TTC17: variants seen among roughly 807,000 people sequenced by gnomAD.
TTC17 encodes tetratricopeptide repeat domain 17.
A neutral mutation model predicts 143.8 loss-of-function variants in TTC17; 58 were observed. That is an observed-to-expected ratio of 0.40 (90% CI 0.33 to 0.50). The LOEUF (loss-of-function observed/expected upper bound fraction) is 0.50. TTC17 is among the 20% of genes least tolerant of loss of function. TTC17 has a pLI of 0.49. For synonymous variants in TTC17, 501 were observed against 497.8 expected (o/e 1.01, Z -0.09); for missense variants, 1,273 against 1,392.5 (o/e 0.91, Z 1.37).
At chr11:43,403,093 T>C (rs528292032) in intron 10 of TTC17, among the ~76,000 whole-genome samples, 1 of 152,182 alleles carries the variant, frequency 6.6e-6, no homozygotes, top group South Asian at 2.1e-4. Flanking sequence ...GAAGACCAGA[T>C]TCACACCCTC....
At chr11:43,443,990 A>G (rs1947482023) in intron 17 of TTC17, 66 bp from the exon 18 acceptor site, 1 of 1,509,266 alleles carries the variant, frequency 6.6e-7, no homozygotes. Flanking sequence ...TTAAACTAGT[A>G]TTCACAAATC....
chr11:43,359,321 A>G (rs563896447), intron 1 of TTC17: 4 of 625,702 alleles, frequency 6.4e-6, no homozygotes, highest in Non-Finnish European at 1.0e-5. Flanking sequence ...TTGGCCCCCT[A>G]GAAGTTCTCA....
intron 2 of TTC17, among the ~76,000 whole-genome samples, chr11:43,379,931 C>G (rs1856902048): frequency 6.6e-6 from 1 of 151,764 alleles, no homozygotes; most frequent in South Asian, 2.1e-4. Context: ...ATTTGAAAAA[C>G]TAGGTTTTTT....
intron 1 of TTC17, among the ~76,000 whole-genome samples, chr11:43,360,497 G>A (rs1856056812): frequency 6.6e-6 from 1 of 152,178 alleles, no homozygotes; most frequent in South Asian, 2.1e-4. Flanking sequence ...GTGGAATTAA[G>A]TCACTCCTGC....
At chr11:43,378,976 A>G (rs2134478744) in intron 1 of TTC17, 2 of 398,380 alleles carry the variant, frequency 5.0e-6, no homozygotes, top group South Asian at 3.0e-5. Context: ...CTTTACTATT[A>G]TATCACCTGT....
intron 16 of TTC17, among the ~76,000 whole-genome samples, chr11:43,421,082 A>G (rs556751749): frequency 2.0e-5 from 3 of 152,312 alleles, no homozygotes; most frequent in Non-Finnish European, 2.9e-5. Flanking sequence ...ACAGAGCTAC[A>G]TTCTAGTAGA....
intron 17 of TTC17, 118 bp from the exon 18 acceptor site, chr11:43,443,938 C>A: frequency 8.3e-7 from 1 of 1,201,486 alleles, no homozygotes; most frequent in Non-Finnish European, 1.2e-6. Flanking sequence ...AAGAATTAAA[C>A]TCAAGGAGAG....
intron 16 of TTC17, chr11:43,435,128 TAGA>T (rs1947262579): frequency 6.6e-6 from 1 of 152,100 alleles, no homozygotes; most frequent in Admixed American, 6.6e-5. Context: ...GATAGATAGA[TAGA>T]TCGGTCTATC....
intron 1 of TTC17, among the ~76,000 whole-genome samples, chr11:43,371,657 C>T (rs1442631980): frequency 6.6e-6 from 1 of 152,146 alleles, no homozygotes; most frequent in Non-Finnish European, 1.5e-5. Flanking sequence ...AGCCCCTCTT[C>T]TCTCACCAGA....
At chr11:43,379,808 C>G (rs1457679972) in intron 2 of TTC17, among the ~76,000 whole-genome samples, 3 of 152,122 alleles carry the variant, frequency 2.0e-5, no homozygotes, top group Admixed American at 2.0e-4. Flanking sequence ...TCCTTGAAAG[C>G]TCGAATCTTA....
In TTC17 at chr11:43,490,463, G is replaced by T. The variant is rs536005240; in HGVS notation, c.3150+105G>T. 37 of 1,453,008 alleles carry T rather than the reference G, an allele frequency of 2.5e-5. No homozygotes were observed. The East Asian group carries it at 8.8e-4, about 34-fold the overall frequency. The allele number at this position is 1,453,008 out of a possible 1,614,324, so 90.0% of individuals were successfully genotyped here. On this transcript the variant is annotated intron_variant, in intron 22 of 23. Transcript: ENST00000039989. ...GCCTCCCTCATGCTCAGCCAGTGAG[G>T]ACATATTCCAAGGAGAGAATGGGGC...
At chr11:43,453,274 T>C (rs1437997430) in intron 21 of TTC17, among the ~76,000 whole-genome samples, 1 of 152,114 alleles carries the variant, frequency 6.6e-6, no homozygotes, top group Non-Finnish European at 1.5e-5. Context: ...TCTATTTCTA[T>C]AAAATATATT....
chr11:43,406,124 GGAGTGCCAGA>G (rs1355133560), intron 13 of TTC17, among the ~76,000 whole-genome samples, 173 bp downstream of exon 13: 2 of 152,170 alleles, frequency 1.3e-5, no homozygotes, highest in Admixed American at 6.5e-5. Flanking sequence ...TGCTATTAAA[GGAGTGCCAGA>G]GAGTTCCTCG....
At chr11:43,382,064 A>G (rs1323713131) in intron 2 of TTC17, among the ~76,000 whole-genome samples, 1 of 152,238 alleles carries the variant, frequency 6.6e-6, no homozygotes, top group Non-Finnish European at 1.5e-5. Context: ...ACATAAAGCC[A>G]TGAGACTAGA....
chr11:43,430,709 GCACACA>G (rs10658685), intron 16 of TTC17, among the ~76,000 whole-genome samples: 5,392 of 138,518 alleles, frequency 0.039, 332 homozygotes, highest in Admixed American at 0.19. Flanking sequence ...CTACATACAC[GCACACA>G]CACACACACA....
At chr11:43,360,747 C>G (rs1477542788) in intron 1 of TTC17, among the ~76,000 whole-genome samples, 4 of 149,288 alleles carry the variant, frequency 2.7e-5, no homozygotes, top group Admixed American at 1.3e-4. Context: ...TCTTTTTGCA[C>G]TTTGGATACA....
Position 43,397,439 on chromosome 11 carries a change from T to C in TTC17, c.866T>C (p.Leu289Pro). The C allele has an allele frequency of 6.2e-7, 1 of 1,613,558 alleles. No individual in the cohort carries two copies. Among genetic ancestry groups the C allele is most frequent in the South Asian group, 1.1e-5 (1 of 91,078 alleles). ...GCTGCTGTCGTGGTCCATGCAGCTCTGGATGACAGTGACTTCTTCACCAGC... is the reference window on the plus strand; with the variant it reads ...GCTGCTGTCGTGGTCCATGCAGCTCCGGATGACAGTGACTTCTTCACCAGC... ...ADAAVVVHAA[L>P]DDSDFFTSYY... Residue 289 changes from leucine to proline, a missense_variant, in exon 7 of 24, where the codon CTG (leucine) becomes CCG (proline). By Grantham distance (98) the Leu-to-Pro change is moderately conservative (BLOSUM62 -3). This residue lies in a region of TTC17 where 325 missense variants were observed against 444.2 expected (regional missense o/e 0.73). Coordinates refer to ENST00000039989, the MANE Select transcript of TTC17 (RefSeq NM_018259.6).
At chr11:43,429,233 C>T (rs1425337502) in intron 16 of TTC17, among the ~76,000 whole-genome samples, 1 of 152,156 alleles carries the variant, frequency 6.6e-6, no homozygotes, top group African/African-American at 2.4e-5. Context: ...TTTGTTTCTC[C>T]ATTTCAGAGT....
At chr11:43,430,868 C>T (rs1009884145) in intron 16 of TTC17, among the ~76,000 whole-genome samples, 28 of 151,866 alleles carry the variant, frequency 1.8e-4, no homozygotes, top group African/African-American at 3.6e-4. Flanking sequence ...ACATGTGCAA[C>T]GGTGGTTTGC....
Sources: allele counts gnomAD v4.1 joint callset (sites outside exome capture counted in the v4.1 genomes callset), GRCh38; gene constraint gnomAD v4.1.1; regional missense constraint gnomAD v4.1.1; transcripts MANE v1.5; gene names NCBI Gene and HGNC (gene_info 2026-07-23, HGNC 2026-07-21).